Variants in ATXN1 observed in about 807,000 individuals in gnomAD.
ATXN1 encodes the protein ataxin-1.
Under a neutral mutation model 56.4 loss-of-function variants are expected in ATXN1, and 8 were observed. The observed-to-expected ratio is 0.14, with a 90% CI of 0.08 to 0.26. The LOEUF (loss-of-function observed/expected upper bound fraction) is 0.26. Ranked by LOEUF, ATXN1 falls within the 10% of genes least tolerant of loss-of-function variation. The probability of loss-of-function intolerance (pLI) is 1.00; values close to 1 mark genes in which losing one functional copy is unlikely to be tolerated. For missense variants in ATXN1, 987 were observed against 1,106.5 expected (o/e 0.89, Z 1.53); for synonymous variants, 514 against 494.6 (o/e 1.04, Z -0.52).
At chr6:16,308,332 A>AGT (rs1760306622) in intron 7 of ATXN1, among the ~76,000 whole-genome samples, 1 of 137,498 alleles carries the variant, frequency 7.3e-6, no homozygotes, top group Non-Finnish European at 1.6e-5. Context: ...TCACACACAC[A>AGT]CACACACACA....
intron 3 of ATXN1, among the ~76,000 whole-genome samples, chr6:16,618,722 A>AC: frequency 8.5e-6 from 1 of 117,204 alleles, no homozygotes. Context: ...ACTCCGTCTC[A>AC]AAAAAAAAAA....
At chr6:16,579,484 C>G (rs1581857967) in intron 4 of ATXN1, among the ~76,000 whole-genome samples, 1 of 39,916 alleles carries the variant, frequency 2.5e-5, no homozygotes, top group Admixed American at 2.0e-4. Flanking sequence ...GTCAAAGCCC[C>G]CCCCCCCCAC....
chr6:16,326,361 G>C lies in ATXN1; in HGVS notation c.1917+33C>G. 6.2e-7 allele frequency: 1 copy of C among 1,608,170 alleles called. No homozygotes were observed. The highest frequency in any genetic ancestry group is 8.5e-7 in the Non-Finnish European group (1 of 1,177,724). ...GATGATGATGGCATCACGGTGTGGT[G>C]TCCCATCCCTGTGCCACCCTGGCTA... On this transcript the variant is annotated intron_variant, in intron 7 of 7. Coordinates refer to ENST00000436367, the MANE Select transcript of ATXN1 (RefSeq NM_001128164.2). This position sits in a 1 kb window ranked among gnomAD's most constrained non-coding sequence, Gnocchi z 6.6.
At chr6:16,397,324 G>A (rs1467340950) in intron 6 of ATXN1, among the ~76,000 whole-genome samples, 2 of 152,080 alleles carry the variant, frequency 1.3e-5, no homozygotes, top group African/African-American at 4.8e-5. Context: ...AGGCTGGAGT[G>A]CAATGGCACG....
At chr6:16,651,320 G>A (rs187675624) in intron 3 of ATXN1, among the ~76,000 whole-genome samples, 4 of 152,234 alleles carry the variant, frequency 2.6e-5, no homozygotes, top group East Asian at 1.9e-4. Context: ...TTAGGCAGGC[G>A]GATCATGAGG....
chr6:16,538,748 C>T (rs1561745699), intron 4 of ATXN1, among the ~76,000 whole-genome samples: 1 of 152,150 alleles, frequency 6.6e-6, no homozygotes, highest in Non-Finnish European at 1.5e-5. Context: ...TGCAATGGCA[C>T]TATCTCGGCT....
chr6:16,511,248 G>A (rs62388981), intron 5 of ATXN1, among the ~76,000 whole-genome samples: 1,774 of 152,148 alleles, frequency 0.012, 17 homozygotes, highest in Non-Finnish European at 0.018. Flanking sequence ...CTGCTTAGAG[G>A]GCACCTCACT....
At chr6:16,595,689 G>A (rs1339923275) in intron 3 of ATXN1, among the ~76,000 whole-genome samples, 2 of 152,212 alleles carry the variant, frequency 1.3e-5, no homozygotes, top group African/African-American at 4.8e-5. Context: ...TGAGGGGAGA[G>A]GGAGGAATGA....
At chr6:16,429,551 G>A (rs1759235402) in intron 6 of ATXN1, among the ~76,000 whole-genome samples, 1 of 151,308 alleles carries the variant, frequency 6.6e-6, no homozygotes, top group Non-Finnish European at 1.5e-5. Context: ...CCAAGTAGCT[G>A]GGATTACAGG....
chr6:16,373,232 G>A (rs1049829242), intron 6 of ATXN1, among the ~76,000 whole-genome samples: 10 of 152,194 alleles, frequency 6.6e-5, no homozygotes, highest in Non-Finnish European at 1.5e-4. Flanking sequence ...CAATGGTATG[G>A]TTTCTCCGTA....
chr6:16,675,307 T>C (rs1423585848), intron 2 of ATXN1, among the ~76,000 whole-genome samples: 1 of 152,190 alleles, frequency 6.6e-6, no homozygotes. Context: ...CATTTCACAT[T>C]TTCTGTCAAA....
In ATXN1 at chr6:16,410,121, G is replaced by A. The variant is rs1581743415; in HGVS notation, c.-161+75851C>T. On this transcript the variant is annotated intron_variant, in intron 6 of 7. Transcript: ENST00000436367. The surrounding 1 kb of genome is among the most constrained non-coding windows in gnomAD (Gnocchi z 4.6). The stretch of plus-strand genomic sequence containing the variant: ...GGATGAAGCAGAGGGTGGCACCGGA[G>A]CCCTACCTGGGTGCTGGCACTGCCT... 6.6e-6 allele frequency among the ~76,000 whole-genome samples: 1 copy of A among 152,228 alleles called. No individual in the cohort carries two copies. The highest frequency in any genetic ancestry group is 1.9e-4 in the East Asian group (1 of 5,202).
chr6:16,739,852 C>T (rs1419770373), intron 2 of ATXN1: 3 of 456,748 alleles, frequency 6.6e-6, no homozygotes, highest in Non-Finnish European at 1.3e-5. Flanking sequence ...GACACCAAGT[C>T]CCGGGGACTT....
At chr6:16,416,832 C>A (rs1267505618) in intron 6 of ATXN1, among the ~76,000 whole-genome samples, 1 of 152,130 alleles carries the variant, frequency 6.6e-6, no homozygotes, top group Non-Finnish European at 1.5e-5. Flanking sequence ...CCTTTAGTTT[C>A]CATAAAGCAG....
chr6:16,623,936 C>T (rs1763362800), intron 3 of ATXN1, among the ~76,000 whole-genome samples: 1 of 152,166 alleles, frequency 6.6e-6, no homozygotes, highest in African/African-American at 2.4e-5. Flanking sequence ...ATGATTCACC[C>T]TCTATGAGGT....
At chr6:16,307,168 C>T (rs1488149566) in intron 7 of ATXN1, among the ~76,000 whole-genome samples, 1 of 152,186 alleles carries the variant, frequency 6.6e-6, no homozygotes, top group Non-Finnish European at 1.5e-5. Flanking sequence ...TCAATCGAAC[C>T]CCAGTAATGA....
At chr6:16,738,194 A>G (rs1168495130) in intron 2 of ATXN1, 1 of 152,236 alleles carries the variant, frequency 6.6e-6, no homozygotes, top group Non-Finnish European at 1.5e-5. Context: ...ATGATCTGGG[A>G]ATTTAAAAAA....
chr6:16,734,547 G>A (rs573562651), intron 2 of ATXN1, among the ~76,000 whole-genome samples: 3 of 152,246 alleles, frequency 2.0e-5, no homozygotes, highest in Non-Finnish European at 2.9e-5. Flanking sequence ...TCACTCTGTC[G>A]CTCAGGCTGG....
At chr6:16,515,687 A>G (rs1270102651) in intron 5 of ATXN1, among the ~76,000 whole-genome samples, 1 of 152,120 alleles carries the variant, frequency 6.6e-6, no homozygotes, top group African/African-American at 2.4e-5. Context: ...TTTACATGTT[A>G]GATTGCTGTG....
Sources: gnomAD v4.1 joint callset for allele counts (sites outside exome capture counted in the v4.1 genomes callset) on GRCh38, gnomAD v4.1.1 for gene constraint, Gnocchi (gnomAD v3.1) non-coding constraint, MANE v1.5 for transcripts, NCBI Gene and HGNC (gene_info 2026-07-23, HGNC 2026-07-21) for gene names.